Variants in CACNA1B observed in about 807,000 individuals in gnomAD.
CACNA1B encodes voltage-dependent N-type calcium channel subunit alpha-1B.
CACNA1B carries 70 observed loss-of-function variants against 247.2 expected under a neutral mutation model. The observed-to-expected ratio is 0.28, with a 90% CI of 0.23 to 0.35. The LOEUF is 0.35. CACNA1B is among the 10% of genes least tolerant of loss of function. CACNA1B has a pLI of 1.00. For synonymous variants in CACNA1B, 1,231 were observed against 1,294.4 expected (o/e 0.95, Z 1.05); for missense variants, 2,367 against 3,197.4 (o/e 0.74, Z 6.26).
In CACNA1B at chr9:138,120,231, C is replaced by T. The variant is rs769687897; in HGVS notation, c.6097C>T (p.His2033Tyr). Residue 2033 changes from histidine to tyrosine, a missense_variant, in exon 45 of 47, where the codon CAT becomes TAT. By Grantham distance (83) the His-to-Tyr change is moderately conservative (BLOSUM62 2). Transcript: ENST00000371372. ...STLAQRPRGT[H>Y]LCSTTPDRPP... Reference sequence around the variant, plus strand: ...GCTGGCCCAGCGGCCCCGTGGGACTCATCTTTGCAGCACCACCCCGGACCG... The same window carrying T: ...GCTGGCCCAGCGGCCCCGTGGGACTTATCTTTGCAGCACCACCCCGGACCG... 5 of 1,608,316 alleles carry T rather than the reference C, an allele frequency of 3.1e-6. No homozygotes were observed. Among genetic ancestry groups the T allele is most frequent in the Non-Finnish European group, 4.2e-6 (5 of 1,178,086 alleles).
chr9:138,022,355 C>T (rs955371614), intron 18 of CACNA1B, among the ~76,000 whole-genome samples: 5 of 151,948 alleles, frequency 3.3e-5, no homozygotes, highest in Admixed American at 2.0e-4. Context: ...CTGACCACCT[C>T]GGGGACTGGC....
chr9:138,049,183 A>G, intron 23 of CACNA1B, 26 bp from the exon 24 acceptor site: 1 of 1,430,196 alleles, frequency 7.0e-7, no homozygotes, highest in South Asian at 1.1e-5. Context: ...ACTATGACGT[A>G]TCTAACGTGT....
Position 138,032,412 on chromosome 9 carries a change from G to A in CACNA1B, c.3286+7240G>A, listed in dbSNP as rs186415499. On this transcript the variant is annotated intron_variant, in intron 20 of 46. Coordinates refer to ENST00000371372, the MANE Select transcript of CACNA1B (RefSeq NM_000718.4). ...TGCTTCAACTGTCACACATAATTTAGAAAACTCGAAAGGAGAGGAAAAGTG... is the reference window on the plus strand; with the variant it reads ...TGCTTCAACTGTCACACATAATTTAAAAAACTCGAAAGGAGAGGAAAAGTG... 5.7e-4 allele frequency among the ~76,000 whole-genome samples: 86 copies of A among 152,202 alleles called. 2 individuals are homozygous for A. Among genetic ancestry groups the A allele is most frequent in the African/African-American group, 1.9e-3 (78 of 41,530 alleles).
chr9:137,982,605 A>G (rs1271132614), intron 12 of CACNA1B, among the ~76,000 whole-genome samples: 1 of 152,226 alleles, frequency 6.6e-6, no homozygotes, highest in Non-Finnish European at 1.5e-5. Context: ...CAGTGAGGAC[A>G]AATTTTGATA....
At chr9:137,896,084 A>G (rs910957995) in intron 3 of CACNA1B, among the ~76,000 whole-genome samples, 3 of 152,070 alleles carry the variant, frequency 2.0e-5, no homozygotes, top group Non-Finnish European at 4.4e-5. Flanking sequence ...CTAAAAATAC[A>G]AAAAGTTAGC....
intron 20 of CACNA1B, among the ~76,000 whole-genome samples, 169 bp from the exon 21 acceptor site, chr9:138,043,605 G>T (rs967287564): frequency 6.6e-6 from 1 of 152,190 alleles, no homozygotes; most frequent in Non-Finnish European, 1.5e-5. Flanking sequence ...CCTGGCTGTC[G>T]TGCGCCACGG....
At chr9:137,940,555 C>A (rs1021389938) in intron 6 of CACNA1B, among the ~76,000 whole-genome samples, 1 of 152,160 alleles carries the variant, frequency 6.6e-6, no homozygotes, top group African/African-American at 2.4e-5. Context: ...GGAATCCTCC[C>A]TAAATCGTTT....
rs769224499 is a variant in CACNA1B at position 137,888,930 on chromosome 9, C to T, written c.530+6047C>T. On this transcript the variant is annotated intron_variant, in intron 3 of 46. Transcript: ENST00000371372. This position sits in a 1 kb window ranked among gnomAD's most constrained non-coding sequence, Gnocchi z 4.7. ...GAGCAGCAGCCCATGTGCAAGTGTG[C>T]GGCTCAGGGATGACCTGACGCTGTG... Among the ~76,000 whole-genome samples the T allele has an allele frequency of 1.3e-5, 2 of 150,620 alleles. No homozygotes were observed. The highest frequency in any genetic ancestry group is 3.0e-5 in the Non-Finnish European group (2 of 67,046).
rs1218905338 is a variant in CACNA1B, at chr9:137,957,888, G to A, written c.1333+201G>A. ...CCTTAGCCATATCCCAAGGCTGGAG[G>A]ACTCTATAGGGCCACCTCTCTCTTC... is the stretch of plus-strand genomic sequence containing the variant. On this transcript the variant is annotated intron_variant, in intron 10 of 46. Coordinates refer to ENST00000371372, the MANE Select transcript of CACNA1B (RefSeq NM_000718.4). This position sits in a 1 kb window ranked among gnomAD's most constrained non-coding sequence, Gnocchi z 4.7. 6.6e-6 allele frequency among the ~76,000 whole-genome samples: 1 copy of A among 152,198 alleles called. No homozygotes were observed. Among genetic ancestry groups the A allele is most frequent in the African/African-American group, 2.4e-5 (1 of 41,440 alleles).
chr9:138,044,213 T>C lies in CACNA1B; in HGVS notation c.3413+313T>C, dbSNP rs548967093. ...TGTCGCAAACACACTTCCATCCATC[T>C]GCCTTCCCATCACACCTGGCACCTG... On this transcript the variant is annotated intron_variant, in intron 21 of 46. Transcript: ENST00000371372. Among the ~76,000 whole-genome samples, 11 of 152,362 alleles carry C rather than the reference T, an allele frequency of 7.2e-5. No homozygotes were observed. In the South Asian group the frequency reaches 2.3e-3, roughly 32 times the overall value.
At position 137,880,688 on chromosome 9, in the gene CACNA1B, C is replaced by A. The variant is rs987126902; in HGVS notation, c.390+1529C>A. ...GGGAAAACTGCAGAACATGCCCGCC[C>A]TGAGCCAGCCTAGAGGTCTGGGGAG... On this transcript the variant is annotated intron_variant, in intron 2 of 46. Coordinates refer to ENST00000371372, the MANE Select transcript of CACNA1B (RefSeq NM_000718.4). This position sits in a 1 kb window ranked among gnomAD's most constrained non-coding sequence, Gnocchi z 4.8. Among the ~76,000 whole-genome samples, 1 of 152,162 alleles carries A rather than the reference C, an allele frequency of 6.6e-6. No homozygotes were observed. Among genetic ancestry groups the A allele is most frequent in the Non-Finnish European group, 1.5e-5 (1 of 67,996 alleles).
intron 15 of CACNA1B, among the ~76,000 whole-genome samples, chr9:137,987,812 C>T (rs948361838): frequency 6.6e-6 from 1 of 152,236 alleles, no homozygotes; most frequent in Non-Finnish European, 1.5e-5. Context: ...TGTCCCCTTT[C>T]TCACATCTTC....
At chr9:138,105,162 G>A (rs1415448417) in intron 38 of CACNA1B, among the ~76,000 whole-genome samples, 1 of 152,240 alleles carries the variant, frequency 6.6e-6, no homozygotes, top group Admixed American at 6.5e-5. Flanking sequence ...TGGGTGGTGA[G>A]AGGCAGAAGC....
chr9:137,886,879 A>G (rs1172082851), intron 3 of CACNA1B, among the ~76,000 whole-genome samples: 1 of 152,196 alleles, frequency 6.6e-6, no homozygotes, highest in Non-Finnish European at 1.5e-5. Context: ...CACTTTGCAT[A>G]GGGTCATCAG....
chr9:138,061,386 G>A (rs577066287), intron 31 of CACNA1B, among the ~76,000 whole-genome samples: 8 of 152,172 alleles, frequency 5.3e-5, no homozygotes, highest in South Asian at 2.1e-4. Context: ...TTTCTGGAGC[G>A]ATGGTGAGAC....
At chr9:138,035,588 C>A (rs1002511793) in intron 20 of CACNA1B, among the ~76,000 whole-genome samples, 1 of 151,748 alleles carries the variant, frequency 6.6e-6, no homozygotes, top group Non-Finnish European at 1.5e-5. Context: ...CCTTCCCTCC[C>A]TCCCTCCTTC....
intron 12 of CACNA1B, among the ~76,000 whole-genome samples, chr9:137,977,479 T>A (rs1390362001): frequency 7.0e-6 from 1 of 141,976 alleles, no homozygotes; most frequent in African/African-American, 2.7e-5. Context: ...TACCAACTTA[T>A]GTAGGTAGGG....
At chr9:138,055,276 C>G (rs548493954) in intron 26 of CACNA1B, among the ~76,000 whole-genome samples, 1 of 151,968 alleles carries the variant, frequency 6.6e-6, no homozygotes, top group Non-Finnish European at 1.5e-5. Flanking sequence ...ACTACAGGCA[C>G]GTGCCACCAT....
intron 26 of CACNA1B, among the ~76,000 whole-genome samples, chr9:138,055,524 A>G (rs948532909): frequency 6.6e-6 from 1 of 152,142 alleles, no homozygotes; most frequent in African/African-American, 2.4e-5. Flanking sequence ...TCCCAAGGCC[A>G]GGGATGTTTT....
Sources: allele counts gnomAD v4.1 joint callset (sites outside exome capture counted in the v4.1 genomes callset), GRCh38; gene constraint gnomAD v4.1.1; non-coding constraint Gnocchi (gnomAD v3.1); transcripts MANE v1.5; gene names NCBI Gene and HGNC (gene_info 2026-07-23, HGNC 2026-07-21).